The following GPM6A variants were observed in gnomAD, a reference collection of about 807,000 sequenced individuals.
GPM6A encodes the protein neuronal membrane glycoprotein M6-a.
A neutral mutation model predicts 32.1 loss-of-function variants in GPM6A; 7 were observed. That is an observed-to-expected ratio of 0.22 (90% CI 0.12 to 0.41). GPM6A has a LOEUF of 0.41. Among genes scored for constraint, GPM6A ranks in the 10% least tolerant of loss-of-function variants. The probability of loss-of-function intolerance (pLI) is 1.00; values close to 1 mark genes in which losing one functional copy is unlikely to be tolerated. For missense variants in GPM6A, 235 were observed against 347.2 expected, an observed-to-expected ratio of 0.68 and a Z score of 2.57; for synonymous variants, 130 against 123.4, an observed-to-expected ratio of 1.05 and a Z score of -0.35.
At chr4:175,737,770 C>T (rs1413758420) in intron 1 of GPM6A, among the ~76,000 whole-genome samples, 1 of 152,058 alleles carries the variant, frequency 6.6e-6, no homozygotes, top group Non-Finnish European at 1.5e-5. Context: ...GCAGATGTAT[C>T]ATAAGGTAAG....
chr4:175,665,617 C>T (rs1341159754), intron 3 of GPM6A, among the ~76,000 whole-genome samples: 2 of 151,804 alleles, frequency 1.3e-5, no homozygotes, highest in Non-Finnish European at 2.9e-5. Flanking sequence ...AAACCTATGT[C>T]TACCAAAAAC....
chr4:175,793,672 G>A lies in GPM6A; in HGVS notation c.37+18519C>T, dbSNP rs924711792. On this transcript the variant is annotated intron_variant, in intron 1 of 6. Transcript: ENST00000393658. Reference sequence around the variant, plus strand: ...ATTACAAGTGTGAACCACTGTACCCGGCCAAGATCCATGAATTCTTCTGCA... The same window carrying A: ...ATTACAAGTGTGAACCACTGTACCCAGCCAAGATCCATGAATTCTTCTGCA... 6.6e-5 allele frequency among the ~76,000 whole-genome samples: 10 copies of A among 152,026 alleles called. No individual in the cohort carries two copies. The South Asian group carries it at 8.3e-4, about 13-fold the overall frequency.
intron 1 of GPM6A, among the ~76,000 whole-genome samples, chr4:175,727,934 A>T (rs941360803): frequency 6.7e-6 from 1 of 148,976 alleles, no homozygotes; most frequent in African/African-American, 2.5e-5. Context: ...AACCTGGGAG[A>T]CCAGTGTTAC....
At chr4:175,992,060 GCACACACACA>G (rs1554007513) in intron 1 of GPM6A, among the ~76,000 whole-genome samples, 2 of 137,062 alleles carry the variant, frequency 1.5e-5, no homozygotes, top group Non-Finnish European at 3.1e-5. Flanking sequence ...AAACACACAT[GCACACACACA>G]CACACACACA....
At chr4:175,684,624 A>C (rs1386518999) in intron 2 of GPM6A, among the ~76,000 whole-genome samples, 4 of 152,168 alleles carry the variant, frequency 2.6e-5, no homozygotes, top group African/African-American at 9.6e-5. Context: ...AACATCATTT[A>C]TTCAAAAGAT....
At chr4:175,861,314 T>C (rs998490172) in intron 1 of GPM6A, among the ~76,000 whole-genome samples, 7 of 150,412 alleles carry the variant, frequency 4.7e-5, no homozygotes, top group Non-Finnish European at 1.0e-4. Flanking sequence ...AAAGGATAAA[T>C]AAAAAGGATA....
intron 1 of GPM6A, among the ~76,000 whole-genome samples, chr4:175,869,738 C>G (rs1736846602): frequency 6.6e-6 from 1 of 151,084 alleles, no homozygotes; most frequent in Non-Finnish European, 1.5e-5. Context: ...GCCTGGGTGA[C>G]AGAACAAGAC....
chr4:175,772,050 C>A (rs955138336), intron 1 of GPM6A, among the ~76,000 whole-genome samples: 3 of 152,204 alleles, frequency 2.0e-5, no homozygotes, highest in African/African-American at 7.2e-5. Context: ...CCATCATTCT[C>A]CTGCTCAGTG....
intron 2 of GPM6A, among the ~76,000 whole-genome samples, chr4:175,690,038 C>G (rs2111033539): frequency 6.6e-6 from 1 of 152,254 alleles, no homozygotes; most frequent in African/African-American, 2.4e-5. Context: ...CTGTTACGGG[C>G]TTTGTGCTCA....
At chr4:175,660,603 A>G (rs1742353535) in intron 3 of GPM6A, among the ~76,000 whole-genome samples, 1 of 152,194 alleles carries the variant, frequency 6.6e-6, no homozygotes, top group Non-Finnish European at 1.5e-5. Flanking sequence ...GAAAAAGTGT[A>G]CACTAATATA....
chr4:175,896,548 C>CCCA (rs375812235), intron 1 of GPM6A, among the ~76,000 whole-genome samples: 48 of 152,222 alleles, frequency 3.2e-4, no homozygotes, highest in African/African-American at 1.1e-3. Flanking sequence ...CAGTTATGGA[C>CCCA]CCAACACTAT....
intron 1 of GPM6A, among the ~76,000 whole-genome samples, chr4:175,963,180 T>C (rs1740221154): frequency 6.7e-6 from 1 of 150,262 alleles, no homozygotes; most frequent in Non-Finnish European, 1.5e-5. Context: ...ATTACAAAAG[T>C]TGTAACATAT....
At position 175,945,649 on chromosome 4, in the gene GPM6A, T is replaced by C. The variant is rs116678963; in HGVS notation, c.-23+56660A>G. On this transcript the variant is annotated intron_variant, in intron 1 of 7. Transcript: ENST00000280187. ...TATAAGTTGCAAGTAATATAACTTATAAGTAATATAAGTTATAATATATGT... is the reference window on the plus strand; with the variant it reads ...TATAAGTTGCAAGTAATATAACTTACAAGTAATATAAGTTATAATATATGT... Among the ~76,000 whole-genome samples, 1,446 of 148,746 alleles carry C rather than the reference T, an allele frequency of 9.7e-3. 4 individuals are homozygous for C. The highest frequency in any genetic ancestry group is 0.012 in the Non-Finnish European group (788 of 67,714).
chr4:176,001,654 C>T (rs1277601458), intron 1 of GPM6A, among the ~76,000 whole-genome samples: 2 of 152,164 alleles, frequency 1.3e-5, no homozygotes, highest in Non-Finnish European at 2.9e-5. Context: ...CCAGTGTGGA[C>T]GCCCTTTTAA....
intron 1 of GPM6A, among the ~76,000 whole-genome samples, chr4:175,755,519 T>A (rs890899577): frequency 9.9e-5 from 15 of 152,168 alleles, no homozygotes; most frequent in African/African-American, 3.4e-4. Context: ...GTATCTGAAA[T>A]GTTTATTTAT....
intron 1 of GPM6A, among the ~76,000 whole-genome samples, chr4:175,987,211 A>G (rs1741001665): frequency 6.6e-6 from 1 of 152,242 alleles, no homozygotes; most frequent in East Asian, 1.9e-4. Context: ...AAGTTTAAAA[A>G]TTACTTGGTG....
At chr4:175,846,248 C>G (rs1246834229) in intron 1 of GPM6A, among the ~76,000 whole-genome samples, 5 of 152,026 alleles carry the variant, frequency 3.3e-5, no homozygotes. Context: ...AGCTTTACAC[C>G]TTCTATTCTA....
chr4:175,648,317 A>ACAT (rs1741590853), intron 4 of GPM6A, among the ~76,000 whole-genome samples: 1 of 152,130 alleles, frequency 6.6e-6, no homozygotes, highest in Non-Finnish European at 1.5e-5. Context: ...ATAGATGTTC[A>ACAT]CATCCTTAAC....
At chr4:175,759,542 C>T (rs943991663) in intron 1 of GPM6A, among the ~76,000 whole-genome samples, 1 of 152,050 alleles carries the variant, frequency 6.6e-6, no homozygotes, top group African/African-American at 2.4e-5. Flanking sequence ...CTATGCAACT[C>T]CAACAAGCAA....
Sources: gnomAD v4.1 joint callset for allele counts (sites outside exome capture counted in the v4.1 genomes callset) on GRCh38, gnomAD v4.1.1 for gene constraint, MANE v1.5 for transcripts, NCBI Gene and HGNC (gene_info 2026-07-23, HGNC 2026-07-21) for gene names.